The following EDNRB variants were observed in gnomAD, a reference collection of about 807,000 sequenced individuals.
EDNRB encodes Hirschsprung disease 2.
In EDNRB, 18 loss-of-function variants were observed where a neutral mutation model predicts 46.4. The ratio of observed to expected loss-of-function variants is 0.39; its 90% CI spans 0.27 to 0.57. EDNRB has a LOEUF of 0.57. EDNRB is among the 20% of genes least tolerant of loss of function. EDNRB has a pLI of 0.61. For missense variants in EDNRB, 434 were observed against 537.5 expected (o/e 0.81, Z 1.90); for synonymous variants, 213 against 204.9 (o/e 1.04, Z -0.34).
chr13:77,929,559 G>T (rs1046459168), intron 1 of EDNRB, among the ~76,000 whole-genome samples: 2 of 152,142 alleles, frequency 1.3e-5, no homozygotes, highest in African/African-American at 2.4e-5. Context: ...TGAAATATCA[G>T]CTATCTTAGT....
upstream of EDNRB, among the ~76,000 whole-genome samples, chr13:77,921,048 G>A (rs1188988311): frequency 6.6e-6 from 1 of 151,960 alleles, no homozygotes; most frequent in African/African-American, 2.4e-5. Flanking sequence ...TACTTTTCTT[G>A]GAGCACTTTT....
At chr13:77,939,479 C>T (rs557076956) in intron 1 of EDNRB, 1 of 152,158 alleles carries the variant, frequency 6.6e-6, no homozygotes, top group South Asian at 2.1e-4. Flanking sequence ...GTGTATTTGC[C>T]AAAATAATAC....
chr13:77,920,950 C>T (rs1880069774), upstream of EDNRB, among the ~76,000 whole-genome samples: 1 of 152,160 alleles, frequency 6.6e-6, no homozygotes, highest in Non-Finnish European at 1.5e-5. Context: ...TCTCTCCCCA[C>T]TGGCCTTCTC....
At position 77,964,084 on chromosome 13, in the gene EDNRB, C is replaced by G. The variant is rs2137688090; in HGVS notation, c.-52+11263G>C. 1.3e-5 allele frequency among the ~76,000 whole-genome samples: 2 copies of G among 152,306 alleles called. 1 individual carries two copies. The highest frequency in any genetic ancestry group is 3.9e-4 in the East Asian group (2 of 5,188). The stretch of plus-strand genomic sequence containing the variant: ...AACCACAATGAGATACCATCTCACA[C>G]CAGTTACAATGGCAATCATTAAAAA... On this transcript the variant is annotated intron_variant, in intron 1 of 7. Coordinates refer to the EDNRB transcript ENST00000646948.
At chr13:77,929,924 T>C (rs1880342501) in intron 1 of EDNRB, among the ~76,000 whole-genome samples, 1 of 152,200 alleles carries the variant, frequency 6.6e-6, no homozygotes, top group South Asian at 2.1e-4. Context: ...GTCTAGGAAA[T>C]GTCAGAGATC....
At chr13:77,949,924 T>C (rs1881039720) in intron 1 of EDNRB, among the ~76,000 whole-genome samples, 1 of 152,138 alleles carries the variant, frequency 6.6e-6, no homozygotes, top group African/African-American at 2.4e-5. Flanking sequence ...AGAGTGACCA[T>C]ATAACCTCTC....
chr13:77,948,621 G>A (rs968455587), intron 1 of EDNRB, among the ~76,000 whole-genome samples: 3 of 152,190 alleles, frequency 2.0e-5, no homozygotes, highest in Non-Finnish European at 4.4e-5. Context: ...GCTTATCAAG[G>A]CTGTCGAATG....
At chr13:77,910,888 T>C (rs1199526922) in intron 1 of EDNRB, among the ~76,000 whole-genome samples, 1 of 152,006 alleles carries the variant, frequency 6.6e-6, no homozygotes, top group Admixed American at 6.6e-5. Context: ...TTAAAGTTCT[T>C]GAAACAAAAT....
intron 1 of EDNRB, among the ~76,000 whole-genome samples, chr13:77,934,986 A>AT (rs1880518949): frequency 6.9e-6 from 1 of 145,704 alleles, no homozygotes; most frequent in East Asian, 2.6e-4. Context: ...TGGTATCAGG[A>AT]ATAATGTGGG....
At chr13:77,906,778 C>T (rs1399428317) in intron 1 of EDNRB, among the ~76,000 whole-genome samples, 1 of 151,992 alleles carries the variant, frequency 6.6e-6, no homozygotes, top group East Asian at 1.9e-4. Context: ...TCCTTAATTG[C>T]CAAACCAAAG....
rs200768146 is a variant in EDNRB, at chr13:77,896,286, T to A, written c.*1914A>T. 18 of 610,378 alleles carry A rather than the reference T, an allele frequency of 2.9e-5. No homozygotes were observed. Among genetic ancestry groups the A allele is most frequent in the Middle Eastern group, 5.1e-4 (1 of 1,966 alleles). 37.8% of individuals were successfully genotyped at this position (610,378 alleles called of 1,614,324 possible). ...AAAATTTAAATAGAAATTAAATATA[T>A]TAATAAACTGTGAAAATATTAGTGA... On this transcript the variant is annotated 3_prime_UTR_variant, in exon 7 of 7. Coordinates refer to ENST00000646607, the MANE Select transcript of EDNRB (RefSeq NM_001122659.3).
Position 77,933,228 on chromosome 13 carries a change from C to A in EDNRB, c.-51-14604G>T, listed in dbSNP as rs530216028. ...TTATTCTGGTGAGCAGAGTTTCATG[C>A]GCGTCCGTGTGAAGAGACCACCAAA... is the stretch of plus-strand genomic sequence containing the variant. On this transcript the variant is annotated intron_variant, in intron 1 of 7. Transcript: ENST00000646948. Among the ~76,000 whole-genome samples, 6 of 152,252 alleles carry A rather than the reference C, an allele frequency of 3.9e-5. No homozygotes were observed. The East Asian group carries it at 1.2e-3, about 29-fold the overall frequency.
chr13:77,900,388 A>C (rs1412272259), intron 5 of EDNRB, 133 bp downstream of exon 5: 1 of 1,270,246 alleles, frequency 7.9e-7, no homozygotes, highest in African/African-American at 1.5e-5. Flanking sequence ...ACCTCAGATA[A>C]AAATTGGGAG....
rs7333189 is a variant in EDNRB at position 77,900,134 on chromosome 13, C to T, written c.1086-167G>A. On this transcript the variant is annotated intron_variant, in intron 5 of 6. Coordinates refer to ENST00000646607, the MANE Select transcript of EDNRB (RefSeq NM_001122659.3). ...TTCTCTGCCTGTCTCTGTCTGTGTCCCCCTCTAACTCTAGCATTTCTACTG... is the reference window on the plus strand; with the variant it reads ...TTCTCTGCCTGTCTCTGTCTGTGTCTCCCTCTAACTCTAGCATTTCTACTG... Among the ~76,000 whole-genome samples the T allele has an allele frequency of 0.99, 149,907 of 152,094 alleles. 73,921 individuals carry two copies. Among genetic ancestry groups the T allele is most frequent in the East Asian group, 1 (5,138 of 5,138 alleles).
At chr13:77,941,111 A>G (rs1230351670) in intron 1 of EDNRB, among the ~76,000 whole-genome samples, 1 of 152,230 alleles carries the variant, frequency 6.6e-6, no homozygotes, top group African/African-American at 2.4e-5. Flanking sequence ...GTTCTTAGAC[A>G]CAGATGCATA....
chr13:77,942,176 G>C lies in EDNRB; in HGVS notation c.-51-23552C>G, dbSNP rs188874665. On this transcript the variant is annotated intron_variant, in intron 1 of 7. Transcript: ENST00000646948. ...GCACAATCCCTGAAATAAAAGCCTT[G>C]TCTGGGAAAAAAAAATTTAAACATT... 2.9e-3 allele frequency among the ~76,000 whole-genome samples: 438 copies of C among 151,906 alleles called. 5 individuals carry two copies. The highest frequency in any genetic ancestry group is 0.026 in the Admixed American group (398 of 15,250).
intron 1 of EDNRB, among the ~76,000 whole-genome samples, chr13:77,943,612 T>C (rs1880813892): frequency 6.6e-6 from 1 of 152,054 alleles, no homozygotes; most frequent in Admixed American, 6.6e-5. Context: ...AACTTAATGG[T>C]TTTATATGTT....
intron 1 of EDNRB, among the ~76,000 whole-genome samples, chr13:77,970,693 T>C (rs936998643): frequency 6.6e-6 from 1 of 152,120 alleles, no homozygotes; most frequent in Admixed American, 6.5e-5. Flanking sequence ...CATGGGAGGC[T>C]CAGATGGGTC....
chr13:77,963,443 C>G (rs892196512), intron 1 of EDNRB, among the ~76,000 whole-genome samples: 2 of 152,106 alleles, frequency 1.3e-5, no homozygotes, highest in Admixed American at 6.5e-5. Flanking sequence ...TGGAACAGAA[C>G]AGAGCCCTCA....
Sources: allele counts gnomAD v4.1 joint callset (sites outside exome capture counted in the v4.1 genomes callset), GRCh38; gene constraint gnomAD v4.1.1; transcripts MANE v1.5; gene names NCBI Gene and HGNC (gene_info 2026-07-23, HGNC 2026-07-21).